Variants in SSBP2 observed in about 807,000 individuals in gnomAD.
The protein encoded by SSBP2 is single stranded DNA binding protein 2, also known as single-stranded DNA-binding protein 2.
Under a neutral mutation model 61.8 loss-of-function variants are expected in SSBP2, and 17 were observed. That is an observed-to-expected ratio of 0.28 (90% CI 0.19 to 0.41). The LOEUF (loss-of-function observed/expected upper bound fraction) is 0.41, where lower values mean the gene tolerates loss of function less well. Ranked by LOEUF, SSBP2 falls within the 10% of genes least tolerant of loss-of-function variation. The pLI, the probability that SSBP2 is intolerant of heterozygous loss-of-function variation, is 1.00. For missense variants in SSBP2, 310 were observed against 458.7 expected, an observed-to-expected ratio of 0.68 and a Z score of 2.96; for synonymous variants, 139 against 141.3, an observed-to-expected ratio of 0.98 and a Z score of 0.12.
At chr5:81,421,939 A>C (rs1761640012) in intron 16 of SSBP2, among the ~76,000 whole-genome samples, 2 of 152,212 alleles carry the variant, frequency 1.3e-5, no homozygotes, top group Admixed American at 1.3e-4. Context: ...GCTCTAGACT[A>C]TCTGAGCTGT....
chr5:81,566,107 ATTAT>A (rs1302078000), intron 4 of SSBP2, among the ~76,000 whole-genome samples: 32 of 152,304 alleles, frequency 2.1e-4, no homozygotes, highest in Admixed American at 3.3e-4. Flanking sequence ...AAACTTTTGG[ATTAT>A]TTATTTGTTA....
At chr5:81,670,667 C>T (rs1751519600) in intron 1 of SSBP2, among the ~76,000 whole-genome samples, 3 of 152,138 alleles carry the variant, frequency 2.0e-5, no homozygotes, top group Non-Finnish European at 4.4e-5. Context: ...TTTATAATTT[C>T]CTCCTCGCTT....
intron 4 of SSBP2, among the ~76,000 whole-genome samples, chr5:81,533,978 C>G (rs1468776116): frequency 6.6e-6 from 1 of 152,096 alleles, no homozygotes. Context: ...CTGAAATACT[C>G]CAGAGCATTC....
chr5:81,440,095 A>C (rs1762933262), intron 14 of SSBP2, among the ~76,000 whole-genome samples: 1 of 152,204 alleles, frequency 6.6e-6, no homozygotes, highest in Admixed American at 6.5e-5. Flanking sequence ...TTTTATGTTA[A>C]AAAGGAGGCA....
At chr5:81,691,958 G>C (rs1753234808) in intron 1 of SSBP2, among the ~76,000 whole-genome samples, 1 of 152,086 alleles carries the variant, frequency 6.6e-6, no homozygotes. Context: ...ACTCAACAAG[G>C]ATGCCCACTT....
Position 81,416,017 on chromosome 5 carries a change from GTT to G in SSBP2, c.*4485_*4486del, listed in dbSNP as rs1264508212. On this transcript the variant is annotated 3_prime_UTR_variant, in exon 17 of 17. Transcript: ENST00000320672. The stretch of plus-strand genomic sequence containing the variant: ...GCGGGCAGATCACTTGAGGTCAGGA[GTT>G]CCAGACCAGCCTGGCCAACATGGTG... The G allele has an allele frequency of 2.6e-5, 4 of 151,794 alleles. No homozygotes were observed. The highest frequency in any genetic ancestry group is 9.7e-5 in the African/African-American group (4 of 41,248). 9.4% of individuals were successfully genotyped at this position (151,794 alleles called of 1,614,324 possible). A position where few individuals can be genotyped will look rare whatever the true frequency, so the allele number is the denominator to read the frequency against.
intron 4 of SSBP2, among the ~76,000 whole-genome samples, chr5:81,540,372 GTTC>G (rs1445571896): frequency 1.3e-5 from 2 of 152,240 alleles, no homozygotes; most frequent in South Asian, 2.1e-4. Context: ...GTGTAAAAGC[GTTC>G]TTATTTCTCC....
chr5:81,429,371 T>A (rs1762149343), intron 15 of SSBP2, among the ~76,000 whole-genome samples: 1 of 152,194 alleles, frequency 6.6e-6, no homozygotes, highest in Non-Finnish European at 1.5e-5. Context: ...TTATTAGCAA[T>A]CTAATCGAAC....
At chr5:81,703,554 TATA>T (rs549881122) in intron 1 of SSBP2, among the ~76,000 whole-genome samples, 4 of 151,744 alleles carry the variant, frequency 2.6e-5, no homozygotes, top group Admixed American at 1.3e-4. Flanking sequence ...AAACTTAAAG[TATA>T]ATAATAATAA....
chr5:81,533,947 G>A (rs1034380137), intron 4 of SSBP2, among the ~76,000 whole-genome samples: 1 of 151,986 alleles, frequency 6.6e-6, no homozygotes, highest in African/African-American at 2.4e-5. Flanking sequence ...TTCTGGCAAG[G>A]GAAAAGGAAA....
At chr5:81,449,925 T>C (rs1763657905) in intron 10 of SSBP2, among the ~76,000 whole-genome samples, 1 of 152,168 alleles carries the variant, frequency 6.6e-6, no homozygotes, top group African/African-American at 2.4e-5. Context: ...TGCTGAGTAC[T>C]GAGATTTTTT....
At chr5:81,660,178 T>C (rs1750567491) in intron 1 of SSBP2, among the ~76,000 whole-genome samples, 1 of 151,982 alleles carries the variant, frequency 6.6e-6, no homozygotes, top group Admixed American at 6.6e-5. Flanking sequence ...TGGGATCTAA[T>C]TAAACTAAAG....
At chr5:81,724,500 C>T (rs1383705347) in intron 1 of SSBP2, among the ~76,000 whole-genome samples, 1 of 151,934 alleles carries the variant, frequency 6.6e-6, no homozygotes, top group South Asian at 2.1e-4. Context: ...AAATAGACAA[C>T]TGATCAATGA....
chr5:81,643,588 T>C (rs1748985689), intron 2 of SSBP2, among the ~76,000 whole-genome samples: 1 of 145,282 alleles, frequency 6.9e-6, no homozygotes, highest in African/African-American at 2.6e-5. Context: ...GTAAACATTT[T>C]TCCTTTCTTT....
Position 81,413,300 on chromosome 5 carries a change from C to A in SSBP2, c.*7204G>T, listed in dbSNP as rs1761203383. 6.6e-6 allele frequency: 1 copy of A among 152,222 alleles called. No homozygotes were observed. Among genetic ancestry groups the A allele is most frequent in the African/African-American group, 2.4e-5 (1 of 41,456 alleles). The allele number at this position is 152,222 out of a possible 1,614,324, so 9.4% of individuals were successfully genotyped here. A position where few individuals can be genotyped will look rare whatever the true frequency, so the allele number is the denominator to read the frequency against. Reference sequence around the variant, plus strand: ...AGTAATGTGCACATGCACGCACACACACATACACGAACACACATACACAGA... The same window carrying A: ...AGTAATGTGCACATGCACGCACACAAACATACACGAACACACATACACAGA... On this transcript the variant is annotated 3_prime_UTR_variant, in exon 17 of 17. Coordinates refer to ENST00000320672, the MANE Select transcript of SSBP2 (RefSeq NM_012446.5).
At chr5:81,488,124 C>T (rs1324968256) in intron 6 of SSBP2, among the ~76,000 whole-genome samples, 2 of 139,130 alleles carry the variant, frequency 1.4e-5, no homozygotes, top group East Asian at 2.2e-4. Flanking sequence ...ATTCATTCAC[C>T]GATAAAGTTA....
intron 1 of SSBP2, among the ~76,000 whole-genome samples, chr5:81,733,678 C>T (rs1362302943): frequency 2.6e-5 from 4 of 152,056 alleles, no homozygotes; most frequent in African/African-American, 9.7e-5. Context: ...TTATTGATTC[C>T]CTTTTCCTTT....
intron 4 of SSBP2, 139 bp downstream of exon 4, chr5:81,615,334 C>T (rs1358033011): frequency 1.0e-5 from 7 of 693,006 alleles, no homozygotes; most frequent in Non-Finnish European, 1.5e-5. Flanking sequence ...AAGTTATGAA[C>T]CTACTTTTCA....
At chr5:81,471,423 AAAT>A (rs915608220) in intron 8 of SSBP2, among the ~76,000 whole-genome samples, 21 of 152,022 alleles carry the variant, frequency 1.4e-4, no homozygotes, top group African/African-American at 4.3e-4. Context: ...ATAAGTGAAT[AAAT>A]AATAATAACT....
Sources: gnomAD v4.1 joint callset for allele counts (sites outside exome capture counted in the v4.1 genomes callset) on GRCh38, gnomAD v4.1.1 for gene constraint, MANE v1.5 for transcripts, NCBI Gene and HGNC (gene_info 2026-07-23, HGNC 2026-07-21) for gene names.